Variants in PTPRD observed in about 807,000 individuals in gnomAD.
PTPRD encodes protein tyrosine phosphatase receptor type D.
A neutral mutation model predicts 214.5 loss-of-function variants in PTPRD; 34 were observed. The ratio of observed to expected loss-of-function variants is 0.16; its 90% CI spans 0.12 to 0.21. The LOEUF is 0.21. PTPRD is among the 10% of genes least tolerant of loss of function. PTPRD has a pLI of 1.00. For synonymous variants in PTPRD, 1,128 were observed against 845.7 expected, an observed-to-expected ratio of 1.33 and a Z score of -5.79; for missense variants, 2,545 against 2,398.7, an observed-to-expected ratio of 1.06 and a Z score of -1.27.
intron 3 of PTPRD, among the ~76,000 whole-genome samples, chr9:10,334,235 T>C (rs2096802127): frequency 6.6e-6 from 1 of 151,818 alleles, no homozygotes; most frequent in Non-Finnish European, 1.5e-5. Context: ...AATATACCTA[T>C]ATGTTATATC....
intron 3 of PTPRD, among the ~76,000 whole-genome samples, chr9:10,275,210 T>C (rs2094611278): frequency 1.3e-5 from 2 of 152,116 alleles, no homozygotes; most frequent in African/African-American, 4.8e-5. Context: ...CTTTTTTCTT[T>C]TTACAAAAAA....
At chr9:8,421,355 C>CTCTCTTCTCTTCTCT (rs370049246) in intron 35 of PTPRD, among the ~76,000 whole-genome samples, 4 of 149,222 alleles carry the variant, frequency 2.7e-5, no homozygotes, top group African/African-American at 9.8e-5. Context: ...CTTTCTTCTT[C>CTCTCTTCTCTTCTCT]TCTCTTCTCT....
chr9:8,447,536 G>A (rs2095781436), intron 34 of PTPRD, among the ~76,000 whole-genome samples: 1 of 152,190 alleles, frequency 6.6e-6, no homozygotes. Context: ...CTGAAAGTGA[G>A]AAGTACTTGC....
chr9:8,406,323 G>C (rs1357944486), intron 35 of PTPRD, among the ~76,000 whole-genome samples: 2 of 152,174 alleles, frequency 1.3e-5, no homozygotes, highest in African/African-American at 4.8e-5. Flanking sequence ...ACTCAGTGAT[G>C]AGGGCCTGCC....
intron 3 of PTPRD, among the ~76,000 whole-genome samples, chr9:10,041,680 C>G (rs907722523): frequency 2.0e-5 from 3 of 151,884 alleles, no homozygotes; most frequent in African/African-American, 7.2e-5. Flanking sequence ...GAAAATGTCA[C>G]TAACTTATTT....
chr9:9,947,651 T>TAC (rs1586829993), intron 4 of PTPRD, among the ~76,000 whole-genome samples: 1 of 100,666 alleles, frequency 9.9e-6, no homozygotes, highest in Non-Finnish European at 1.9e-5. Context: ...TATATATATA[T>TAC]ACACCATGGC....
chr9:9,893,769 T>C (rs1432491038), intron 5 of PTPRD, among the ~76,000 whole-genome samples: 1 of 152,140 alleles, frequency 6.6e-6, no homozygotes, highest in African/African-American at 2.4e-5. Flanking sequence ...TTATTTAAGC[T>C]TGGTTACCTC....
chr9:9,994,253 T>C (rs978724440), intron 4 of PTPRD, among the ~76,000 whole-genome samples: 7 of 152,296 alleles, frequency 4.6e-5, no homozygotes, highest in South Asian at 2.1e-4. Context: ...TTCCTTTCTA[T>C]ATCCTTCCTT....
intron 7 of PTPRD, among the ~76,000 whole-genome samples, chr9:9,684,161 T>C (rs1482876743): frequency 6.6e-6 from 1 of 151,620 alleles, no homozygotes; most frequent in Non-Finnish European, 1.5e-5. Flanking sequence ...TAGACATGCT[T>C]GGTTAAAAAA....
chr9:8,476,278 T>C (rs771219366), intron 30 of PTPRD, among the ~76,000 whole-genome samples: 4 of 152,118 alleles, frequency 2.6e-5, no homozygotes, highest in Non-Finnish European at 4.4e-5. Flanking sequence ...ACATGTGCAG[T>C]TCACAATAGG....
chr9:10,166,919 C>T (rs924322896), intron 3 of PTPRD, among the ~76,000 whole-genome samples: 5 of 152,014 alleles, frequency 3.3e-5, no homozygotes, highest in Non-Finnish European at 7.4e-5. Flanking sequence ...TCTCCATACC[C>T]TATAGCATGT....
At chr9:10,435,711 TA>T (rs1351270482) in intron 2 of PTPRD, among the ~76,000 whole-genome samples, 9 of 152,018 alleles carry the variant, frequency 5.9e-5, no homozygotes, top group Non-Finnish European at 1.2e-4. Flanking sequence ...TAATCATGCA[TA>T]AAATATGTTT....
chr9:8,658,924 G>T (rs2096971405), intron 12 of PTPRD, among the ~76,000 whole-genome samples: 2 of 152,050 alleles, frequency 1.3e-5, no homozygotes, highest in African/African-American at 2.4e-5. Flanking sequence ...TGCTAATGAG[G>T]CTCCAAAATC....
intron 2 of PTPRD, among the ~76,000 whole-genome samples, chr9:10,512,880 A>C (rs2784599): frequency 0.21 from 31,502 of 147,534 alleles, 3,900 homozygotes; most frequent in Admixed American, 0.37. Context: ...GAAACTGTCC[A>C]TGTGGTAGAA....
chr9:10,358,557 TTA>T (rs2154464993), intron 2 of PTPRD, among the ~76,000 whole-genome samples: 1 of 152,046 alleles, frequency 6.6e-6, no homozygotes, highest in East Asian at 1.9e-4. Context: ...TTTGAAAGAT[TTA>T]TGTCTCTTAG....
At chr9:9,724,175 G>A (rs996750948) in intron 7 of PTPRD, among the ~76,000 whole-genome samples, 1 of 152,110 alleles carries the variant, frequency 6.6e-6, no homozygotes, top group Non-Finnish European at 1.5e-5. Context: ...TTTAGAAAAT[G>A]TGAATTGTAC....
chr9:10,082,439 GA>G (rs147720343), intron 3 of PTPRD, among the ~76,000 whole-genome samples: 2,427 of 152,164 alleles, frequency 0.016, 65 homozygotes, highest in African/African-American at 0.054. Flanking sequence ...TATGCTGTAG[GA>G]TGTGGATGTA....
At chr9:9,315,209 T>C (rs760219662) in intron 9 of PTPRD, among the ~76,000 whole-genome samples, 4 of 152,010 alleles carry the variant, frequency 2.6e-5, no homozygotes, top group Non-Finnish European at 5.9e-5. Context: ...CTTATTGTGT[T>C]GTAATATATA....
intron 3 of PTPRD, among the ~76,000 whole-genome samples, chr9:10,307,700 A>G (rs376065830): frequency 3.9e-5 from 6 of 151,954 alleles, no homozygotes; most frequent in African/African-American, 1.4e-4. Context: ...TAAATACTGG[A>G]TGTAAAAGAT....
Sources: gnomAD v4.1 joint callset for allele counts (sites outside exome capture counted in the v4.1 genomes callset) on GRCh38, gnomAD v4.1.1 for gene constraint, MANE v1.5 for transcripts, NCBI Gene and HGNC (gene_info 2026-07-23, HGNC 2026-07-21) for gene names.